AGBL1: variants seen among roughly 807,000 people sequenced by gnomAD.
AGBL1 encodes the protein cytosolic carboxypeptidase 4.
Under a neutral mutation model 118.9 loss-of-function variants are expected in AGBL1, and 130 were observed. That is an observed-to-expected ratio of 1.09 (90% CI 0.95 to 1.26). The LOEUF (loss-of-function observed/expected upper bound fraction) is 1.26, where lower values mean the gene tolerates loss of function less well. Ranked by LOEUF, AGBL1 falls within the 50% of genes most tolerant of loss-of-function variation. The pLI is 0.00. For synonymous variants in AGBL1, 555 were observed against 478.9 expected (o/e 1.16, Z -2.08); for missense variants, 1,584 against 1,298.1 (o/e 1.22, Z -3.38).
intron 22 of AGBL1, among the ~76,000 whole-genome samples, chr15:86,713,870 G>C (rs1051963237): frequency 6.6e-6 from 1 of 152,126 alleles, no homozygotes; most frequent in East Asian, 1.9e-4. Flanking sequence ...ACTTGGATTA[G>C]AGTTTGCTAA....
chr15:86,970,470 CAG>C (rs1034852431), intron 23 of AGBL1, among the ~76,000 whole-genome samples: 2 of 151,844 alleles, frequency 1.3e-5, no homozygotes, highest in Admixed American at 6.6e-5. Context: ...ATTAATAAGT[CAG>C]TTTTACTAAG....
At position 86,315,589 on chromosome 15, in the gene AGBL1, G is replaced by A. The variant is rs562225358; in HGVS notation, c.2374+20181G>A. ...AAAAACTAGCCGAGTGAGGTGGTGC[G>A]CGCCTGTAGTCCCAGCTACTTGGGA... is the stretch of plus-strand genomic sequence containing the variant. On this transcript the variant is annotated intron_variant, in intron 17 of 22. Transcript: ENST00000614907. Among the ~76,000 whole-genome samples, 30 of 151,830 alleles carry A rather than the reference G, an allele frequency of 2.0e-4. 1 individual carries two copies. In the South Asian group the frequency reaches 3.3e-3, roughly 17 times the overall value.
intron 5 of AGBL1, among the ~76,000 whole-genome samples, chr15:86,172,879 T>C (rs1276835558): frequency 6.6e-6 from 1 of 152,226 alleles, no homozygotes; most frequent in African/African-American, 2.4e-5. Flanking sequence ...GCGTGATTAC[T>C]GGATTGCATG....
At chr15:86,217,580 T>A (rs943610592) in intron 5 of AGBL1, among the ~76,000 whole-genome samples, 1 of 151,836 alleles carries the variant, frequency 6.6e-6, no homozygotes, top group African/African-American at 2.4e-5. Context: ...GTCAAGGGAG[T>A]CTTTCTACAG....
rs772100320 is a variant in AGBL1, at chr15:86,909,685, T to C, written c.*2391T>C. The stretch of plus-strand genomic sequence containing the variant: ...CCTCCCATATTTAATCTTTCCACTC[T>C]TAAATAAAGGCTAGCATAATGGTGC... On this transcript the variant is annotated 3_prime_UTR_variant, in exon 23 of 23. Coordinates refer to ENST00000614907, the MANE Select transcript of AGBL1 (RefSeq NM_001386094.1). 2.0e-5 allele frequency: 3 copies of C among 152,234 alleles called. No individual in the cohort carries two copies. Among genetic ancestry groups the C allele is most frequent in the Non-Finnish European group, 2.9e-5 (2 of 68,040 alleles). The allele number at this position is 152,234 out of a possible 1,614,324, so 9.4% of individuals were successfully genotyped here.
downstream of AGBL1, among the ~76,000 whole-genome samples, chr15:86,917,722 C>A (rs184245024): frequency 6.6e-6 from 1 of 152,024 alleles, no homozygotes; most frequent in Non-Finnish European, 1.5e-5. The surrounding 1 kb of genome is among the most constrained non-coding windows in gnomAD (Gnocchi z 4.8). Context: ...CTCTGCTGTG[C>A]ATTAGATGGT....
chr15:86,593,196 G>A (rs2084361775), intron 21 of AGBL1, among the ~76,000 whole-genome samples: 1 of 152,004 alleles, frequency 6.6e-6, no homozygotes, highest in Non-Finnish European at 1.5e-5. Context: ...CTTATTCTGT[G>A]AGCACTTTTT....
intron 18 of AGBL1, among the ~76,000 whole-genome samples, chr15:86,402,944 A>C (rs150628268): frequency 6.6e-6 from 1 of 152,310 alleles, no homozygotes; most frequent in African/African-American, 2.4e-5. Context: ...GTTTGTGTTG[A>C]ATTGGGCTGA....
chr15:86,515,451 G>C (rs1567034822), intron 18 of AGBL1, among the ~76,000 whole-genome samples: 1 of 152,188 alleles, frequency 6.6e-6, no homozygotes, highest in South Asian at 2.1e-4. Flanking sequence ...TCAGGAGTGG[G>C]TGTGGAATTT....
At chr15:86,167,032 T>A (rs1158394946) in intron 5 of AGBL1, among the ~76,000 whole-genome samples, 1 of 152,170 alleles carries the variant, frequency 6.6e-6, no homozygotes, top group African/African-American at 2.4e-5. Context: ...CCATAGAAGT[T>A]AATCTTCTTG....
chr15:86,408,537 G>A (rs1180633624), intron 18 of AGBL1, among the ~76,000 whole-genome samples: 2 of 152,166 alleles, frequency 1.3e-5, no homozygotes, highest in Non-Finnish European at 2.9e-5. Flanking sequence ...TTTAATTCCT[G>A]AGTTTCATTC....
At chr15:86,714,678 G>A (rs1342957951) in intron 22 of AGBL1, among the ~76,000 whole-genome samples, 1 of 152,176 alleles carries the variant, frequency 6.6e-6, no homozygotes, top group Non-Finnish European at 1.5e-5. Flanking sequence ...GTGGAGTAAA[G>A]TCGTGACCTT....
chr15:86,682,396 T>A (rs539572216), intron 22 of AGBL1, among the ~76,000 whole-genome samples: 76 of 152,326 alleles, frequency 5.0e-4, no homozygotes, highest in African/African-American at 1.8e-3. Context: ...TTGGTATGAT[T>A]TTATGCTGAT....
intron 16 of AGBL1, among the ~76,000 whole-genome samples, chr15:86,286,735 G>GTGTGTGTA: frequency 9.4e-6 from 1 of 106,292 alleles, no homozygotes; most frequent in African/African-American, 3.9e-5. Flanking sequence ...GTTTGTGTGT[G>GTGTGTGTA]TATATATATA....
intron 18 of AGBL1, among the ~76,000 whole-genome samples, chr15:86,449,854 C>T (rs1440624755): frequency 6.6e-6 from 1 of 152,102 alleles, no homozygotes; most frequent in African/African-American, 2.4e-5. Context: ...GAGAGCCATA[C>T]TTTGGCTTGC....
At chr15:86,342,870 G>A (rs952367126) in intron 17 of AGBL1, among the ~76,000 whole-genome samples, 1 of 152,220 alleles carries the variant, frequency 6.6e-6, no homozygotes, top group Non-Finnish European at 1.5e-5. Flanking sequence ...GGAAGAATAT[G>A]TTCAAAGTAA....
chr15:86,667,627 G>C (rs1392216839), intron 21 of AGBL1, among the ~76,000 whole-genome samples: 2 of 151,896 alleles, frequency 1.3e-5, no homozygotes, highest in Non-Finnish European at 2.9e-5. Context: ...GATCCTGTTT[G>C]ATATGTAAAC....
intron 18 of AGBL1, among the ~76,000 whole-genome samples, chr15:86,462,467 G>C (rs2082346375): frequency 1.3e-5 from 2 of 151,706 alleles, no homozygotes; most frequent in African/African-American, 4.8e-5. Flanking sequence ...TTTACTTCTG[G>C]GATACACGTG....
chr15:86,471,505 T>C (rs561522844), intron 18 of AGBL1, among the ~76,000 whole-genome samples: 2,040 of 152,032 alleles, frequency 0.013, 25 homozygotes, highest in Middle Eastern at 0.041. Flanking sequence ...ATAGTTTTTT[T>C]TTTTTTTTTT....
Sources: allele counts gnomAD v4.1 joint callset (sites outside exome capture counted in the v4.1 genomes callset), GRCh38; gene constraint gnomAD v4.1.1; non-coding constraint Gnocchi (gnomAD v3.1); transcripts MANE v1.5; gene names NCBI Gene and HGNC (gene_info 2026-07-23, HGNC 2026-07-21).